TNIK: variants seen among roughly 807,000 people sequenced by gnomAD.
The protein encoded by TNIK is TRAF2 and NCK-interacting protein kinase.
In TNIK, 49 loss-of-function variants were observed where a neutral mutation model predicts 191.3. That is an observed-to-expected ratio of 0.26 (90% CI 0.20 to 0.32). The LOEUF is 0.32. TNIK is among the 10% of genes least tolerant of loss of function. TNIK has a pLI of 1.00. For missense variants in TNIK, 1,155 were observed against 1,702.3 expected (o/e 0.68, Z 5.66); for synonymous variants, 594 against 600.9 (o/e 0.99, Z 0.17).
chr3:171,132,705 G>A (rs1729474050), intron 15 of TNIK, among the ~76,000 whole-genome samples: 1 of 152,120 alleles, frequency 6.6e-6, no homozygotes, highest in Non-Finnish European at 1.5e-5. Flanking sequence ...AACATCTACT[G>A]AGAATTTCAA....
intron 2 of TNIK, among the ~76,000 whole-genome samples, chr3:171,333,425 C>T (rs1414328300): frequency 6.6e-6 from 1 of 151,732 alleles, no homozygotes; most frequent in East Asian, 1.9e-4. Context: ...GACGTGGTGG[C>T]AGCCACCTGT....
chr3:171,241,740 C>T (rs1188307078), intron 2 of TNIK, among the ~76,000 whole-genome samples: 1 of 151,514 alleles, frequency 6.6e-6, no homozygotes, highest in African/African-American at 2.4e-5. Flanking sequence ...CTGTGCTATT[C>T]ACAATAGCAA....
intron 3 of TNIK, among the ~76,000 whole-genome samples, chr3:171,216,021 G>A (rs1392539096): frequency 4.6e-5 from 7 of 152,076 alleles, no homozygotes; most frequent in Non-Finnish European, 7.4e-5. Context: ...CTCTGCTCCC[G>A]CTCATCTGCA....
At chr3:171,289,209 G>T (rs1029125753) in intron 2 of TNIK, among the ~76,000 whole-genome samples, 3 of 152,180 alleles carry the variant, frequency 2.0e-5, no homozygotes, top group African/African-American at 7.2e-5. Flanking sequence ...GTTCTGCAAA[G>T]ACTAATTGTG....
intron 3 of TNIK, among the ~76,000 whole-genome samples, chr3:171,224,008 G>A (rs141628127): frequency 1.1e-4 from 17 of 152,236 alleles, no homozygotes; most frequent in South Asian, 8.3e-4. Flanking sequence ...CAGCCCAGGC[G>A]TGGACTGGAG....
intron 2 of TNIK, among the ~76,000 whole-genome samples, chr3:171,275,472 G>T (rs1749618188): frequency 6.6e-6 from 1 of 152,086 alleles, no homozygotes; most frequent in East Asian, 1.9e-4. Context: ...AGAATGCTAT[G>T]AAAATGGAAG....
chr3:171,408,345 C>G (rs12631813), intron 1 of TNIK, among the ~76,000 whole-genome samples: 64,308 of 151,982 alleles, frequency 0.42, 14,324 homozygotes, highest in Non-Finnish European at 0.5. Flanking sequence ...ATTTAATAAG[C>G]TTTTAGGAAA....
chr3:171,097,629 T>C (rs1198851907), intron 22 of TNIK, among the ~76,000 whole-genome samples: 1 of 152,228 alleles, frequency 6.6e-6, no homozygotes, highest in Non-Finnish European at 1.5e-5. Flanking sequence ...TCTTGCCTGC[T>C]GCCATGTAAG....
chr3:171,455,677 T>C (rs966709831), intron 1 of TNIK, among the ~76,000 whole-genome samples: 1 of 152,258 alleles, frequency 6.6e-6, no homozygotes, highest in Admixed American at 6.5e-5. Flanking sequence ...TTAAATACTT[T>C]ATTGATTTTG....
intron 2 of TNIK, among the ~76,000 whole-genome samples, chr3:171,363,549 C>G (rs1463842717): frequency 6.6e-6 from 1 of 152,230 alleles, no homozygotes; most frequent in Non-Finnish European, 1.5e-5. Flanking sequence ...ACACCATTCT[C>G]CCATACTCAC....
intron 3 of TNIK, among the ~76,000 whole-genome samples, chr3:171,213,699 T>C (rs1741134944): frequency 1.3e-5 from 2 of 152,032 alleles, no homozygotes; most frequent in East Asian, 3.9e-4. Flanking sequence ...ACTGAGGCAA[T>C]ATGACAATAA....
intron 2 of TNIK, among the ~76,000 whole-genome samples, chr3:171,312,553 C>T (rs1754154953): frequency 6.6e-6 from 1 of 151,910 alleles, no homozygotes; most frequent in African/African-American, 2.4e-5. Context: ...GGTGGGTATC[C>T]AATGGGTCAG....
At chr3:171,216,524 G>A (rs1741472240) in intron 3 of TNIK, among the ~76,000 whole-genome samples, 1 of 152,090 alleles carries the variant, frequency 6.6e-6, no homozygotes, top group African/African-American at 2.4e-5. Context: ...AATTTTAGTA[G>A]GATCTTCACA....
intron 2 of TNIK, among the ~76,000 whole-genome samples, chr3:171,312,550 A>G (rs1754154012): frequency 6.6e-6 from 1 of 152,134 alleles, no homozygotes; most frequent in South Asian, 2.1e-4. Flanking sequence ...CTTGGTGGGT[A>G]TCCAATGGGT....
intron 2 of TNIK, among the ~76,000 whole-genome samples, chr3:171,341,683 T>G (rs1757549729): frequency 6.6e-6 from 1 of 152,104 alleles, no homozygotes; most frequent in Non-Finnish European, 1.5e-5. Context: ...AAACATTCAC[T>G]AAACACATAC....
intron 2 of TNIK, among the ~76,000 whole-genome samples, chr3:171,238,239 T>C (rs985600827): frequency 1.3e-5 from 2 of 151,636 alleles, no homozygotes; most frequent in Non-Finnish European, 2.9e-5. Flanking sequence ...AAAAAATTCA[T>C]AAAATTCAAA....
intron 2 of TNIK, among the ~76,000 whole-genome samples, chr3:171,270,504 C>A (rs1208525856): frequency 2.0e-5 from 3 of 152,316 alleles, no homozygotes; most frequent in South Asian, 4.1e-4. Flanking sequence ...GTTAGTGAGG[C>A]ATTCCCACCT....
intron 2 of TNIK, among the ~76,000 whole-genome samples, chr3:171,354,604 T>C (rs1713743098): frequency 6.6e-6 from 1 of 152,194 alleles, no homozygotes; most frequent in Non-Finnish European, 1.5e-5. Context: ...TCTCCAGAGT[T>C]GATTGTTAGA....
intron 21 of TNIK, among the ~76,000 whole-genome samples, chr3:171,103,939 TTTTTCTAAA>T (rs1259960443): frequency 3.0e-4 from 46 of 152,190 alleles, no homozygotes; most frequent in African/African-American, 1.1e-3. Flanking sequence ...ATGACATACA[TTTTTCTAAA>T]CATTGTATTT....
Sources: gnomAD v4.1 joint callset for allele counts (sites outside exome capture counted in the v4.1 genomes callset) on GRCh38, gnomAD v4.1.1 for gene constraint, MANE v1.5 for transcripts, NCBI Gene and HGNC (gene_info 2026-07-23, HGNC 2026-07-21) for gene names.